SMC3: variants seen among roughly 807,000 people sequenced by gnomAD.
The protein encoded by SMC3 is structural maintenance of chromosomes 3.
Under a neutral mutation model 171.8 loss-of-function variants are expected in SMC3, and 20 were observed. The observed-to-expected ratio is 0.12, with a 90% CI of 0.08 to 0.17. SMC3 has a LOEUF of 0.17. SMC3 is among the 10% of genes least tolerant of loss of function. The probability of loss-of-function intolerance (pLI) is 1.00; values close to 1 mark genes in which losing one functional copy is unlikely to be tolerated. For synonymous variants in SMC3, 464 were observed against 451.1 expected, an observed-to-expected ratio of 1.03 and a Z score of -0.36; for missense variants, 543 against 1,420.4, an observed-to-expected ratio of 0.38 and a Z score of 9.93.
At chr10:110,569,527 A>G (rs965206141) in intron 2 of SMC3, among the ~76,000 whole-genome samples, 1 of 152,104 alleles carries the variant, frequency 6.6e-6, no homozygotes, top group Non-Finnish European at 1.5e-5. Flanking sequence ...AGAAATACCT[A>G]ATGTAAATGT....
intron 20 of SMC3, 57 bp from the exon 21 acceptor site, chr10:110,599,597 T>C: frequency 6.7e-7 from 1 of 1,487,724 alleles, no homozygotes; most frequent in African/African-American, 1.4e-5. Context: ...TTTAAAATTT[T>C]CACTATAAGT....
intron 6 of SMC3, 51 bp from the exon 7 acceptor site, chr10:110,578,577 A>G: frequency 2.2e-6 from 3 of 1,368,912 alleles, no homozygotes; most frequent in African/African-American, 1.4e-5. Flanking sequence ...TCATTGCTTA[A>G]TGGTGCTTTA....
Position 110,596,406 on chromosome 10 carries a change from G to C in SMC3, c.1972G>C (p.Val658Leu). 2 of 1,613,834 alleles carry C rather than the reference G, an allele frequency of 1.2e-6. No individual in the cohort carries two copies. Among genetic ancestry groups the C allele is most frequent in the Non-Finnish European group, 1.7e-6 (2 of 1,179,928 alleles). Residue 658 changes from valine to leucine, a missense_variant, in exon 19 of 29, where the codon GTC becomes CTC. Val to Leu is a conservative substitution (Grantham distance 32, BLOSUM62 1). Around this residue, in one of 8 missense-constraint regions of SMC3, gnomAD observed 218 missense variants for 509.6 expected, o/e 0.43. Transcript: ENST00000361804. ...ATATGTTTTGTTTATAGGTGACCAA[G>C]TCAGCCATCGGGGTGCTCTAACTGG... ...MDCITLEGDQ[V>L]SHRGALTGGY...
At chr10:110,568,159 G>A (rs886497723) in intron 1 of SMC3, among the ~76,000 whole-genome samples, 2 of 152,142 alleles carry the variant, frequency 1.3e-5, no homozygotes, top group African/African-American at 4.8e-5. Context: ...CTGGCGGGGG[G>A]CACCCCGCCG....
At chr10:110,595,504 T>TC (rs1301529483) in intron 18 of SMC3, among the ~76,000 whole-genome samples, 2 of 152,220 alleles carry the variant, frequency 1.3e-5, no homozygotes, top group African/African-American at 2.4e-5. Flanking sequence ...TGTAAAGGTA[T>TC]CCCTTTGCCC....
chr10:110,602,733 A>G (rs1861405916), intron 26 of SMC3, 68 bp downstream of exon 26: 15 of 1,570,678 alleles, frequency 9.6e-6, no homozygotes, highest in Non-Finnish European at 1.2e-5. Context: ...ATCTTTTGCA[A>G]ATCTGATTGG....
At position 110,580,456 on chromosome 10, in the gene SMC3, A is replaced by G. The variant is rs138450771; in HGVS notation, c.430-448A>G. On this transcript the variant is annotated intron_variant, in intron 7 of 28. Coordinates refer to ENST00000361804, the MANE Select transcript of SMC3 (RefSeq NM_005445.4). ...CTTGTTAGCCCTATTCATAAAGGAG[A>G]GTTATGACCGTAACAGTTGTATTTG... is the stretch of plus-strand genomic sequence containing the variant. Among the ~76,000 whole-genome samples, 74 of 152,320 alleles carry G rather than the reference A, an allele frequency of 4.9e-4. 1 individual carries two copies. Among genetic ancestry groups the G allele is most frequent in the Admixed American group, 2.6e-3 (40 of 15,296 alleles).
Position 110,601,720 on chromosome 10 carries a change from G to T in SMC3, c.2728G>T (p.Glu910Ter). The T allele has an allele frequency of 6.2e-7, 1 of 1,613,444 alleles. No homozygotes were observed. The highest frequency in any genetic ancestry group is 1.1e-5 in the South Asian group (1 of 91,054). Residue 910 changes from glutamate (E) to a stop codon, truncating the protein, a stop_gained, in exon 24 of 29, where the codon GAA (glutamate) becomes TAA (stop). Coordinates refer to ENST00000361804, the MANE Select transcript of SMC3 (RefSeq NM_005445.4). LOFTEE classifies it high-confidence loss of function. ...SMERWKNMEK[E>*]HMDAINHDTK... ...GGAGCGCTGGAAAAATATGGAAAAA[G>T]AACATATGGATGCTATAAATCATGA...
chr10:110,601,015 G>A lies in SMC3; in HGVS notation c.2536-7G>A. The A allele has an allele frequency of 6.2e-7, 1 of 1,604,326 alleles. No homozygotes were observed. Among genetic ancestry groups the A allele is most frequent in the Non-Finnish European group, 8.5e-7 (1 of 1,171,624 alleles). On this transcript the variant is annotated splice_polypyrimidine_tract_variant and splice_region_variant and intron_variant, in intron 22 of 28. Coordinates refer to ENST00000361804, the MANE Select transcript of SMC3 (RefSeq NM_005445.4). ...GAAACTAATGGAATTTGTATTTTTT[G>A]TTACAGGAACTTAATGAGCTGAGAG...
At chr10:110,601,225 A>G (rs1363563298) in intron 23 of SMC3, 95 bp downstream of exon 23, 3 of 919,486 alleles carry the variant, frequency 3.3e-6, no homozygotes, top group East Asian at 2.4e-5. Flanking sequence ...AGCATATGCT[A>G]ATGATTTTTT....
At chr10:110,603,067 A>G in intron 27 of SMC3, 65 bp downstream of exon 27, 2 of 1,577,058 alleles carry the variant, frequency 1.3e-6, no homozygotes, top group Non-Finnish European at 1.7e-6. Flanking sequence ...GCTGATGTAT[A>G]TATGAAAAAA....
chr10:110,579,234 C>G (rs1438587451), intron 7 of SMC3, among the ~76,000 whole-genome samples: 1 of 151,972 alleles, frequency 6.6e-6, no homozygotes, highest in African/African-American at 2.4e-5. Context: ...AGGGAAAATT[C>G]TCAAAGAATA....
chr10:110,581,508 C>T lies in SMC3; in HGVS notation c.548-415C>T, dbSNP rs187661748. ...TGCTGGGATTACTCATGAGCCACTG[C>T]GCCTGGCCGGCACACTGACTTTTTA... On this transcript the variant is annotated intron_variant, in intron 8 of 28. Transcript: ENST00000361804. Among the ~76,000 whole-genome samples, 414 of 152,130 alleles carry T rather than the reference C, an allele frequency of 2.7e-3. 3 individuals carry two copies. The highest frequency in any genetic ancestry group is 0.017 in the Middle Eastern group (5 of 294).
intron 17 of SMC3, among the ~76,000 whole-genome samples, chr10:110,592,813 A>AATTTGGGC (rs1861229204): frequency 6.6e-6 from 1 of 152,286 alleles, no homozygotes; most frequent in Admixed American, 6.5e-5. Context: ...CGAGTGTTTG[A>AATTTGGGC]ATTTGGGCAG....
intron 17 of SMC3, among the ~76,000 whole-genome samples, chr10:110,592,630 A>G (rs946196800): frequency 5.3e-5 from 8 of 152,202 alleles, no homozygotes; most frequent in African/African-American, 1.9e-4. Flanking sequence ...TACTATTTAT[A>G]TTTAGCCCTT....
At chr10:110,582,759 C>G in intron 10 of SMC3, 117 bp downstream of exon 10, 1 of 777,558 alleles carries the variant, frequency 1.3e-6, no homozygotes, top group East Asian at 2.7e-5. Flanking sequence ...GCCTTGACTT[C>G]CTGGGCTCAG....
intron 19 of SMC3, among the ~76,000 whole-genome samples, chr10:110,597,105 C>T (rs1178343337): frequency 6.7e-6 from 1 of 148,828 alleles, no homozygotes; most frequent in African/African-American, 2.5e-5. Context: ...GATCACACCA[C>T]TGCACTCCAG....
At chr10:110,596,332 G>GT in intron 18 of SMC3, 66 bp from the exon 19 acceptor site, 1 of 1,400,508 alleles carries the variant, frequency 7.1e-7, no homozygotes, top group Non-Finnish European at 9.7e-7. Flanking sequence ...TAGTTTTTTT[G>GT]TTATAAGTCA....
chr10:110,575,175 T>G (rs562059865), intron 3 of SMC3, among the ~76,000 whole-genome samples, 161 bp from the exon 4 acceptor site: 3 of 152,226 alleles, frequency 2.0e-5, no homozygotes, highest in Non-Finnish European at 4.4e-5. Flanking sequence ...TAGTCTGATG[T>G]GCAGGCACAT....
Sources: allele counts gnomAD v4.1 joint callset (sites outside exome capture counted in the v4.1 genomes callset), GRCh38; gene constraint gnomAD v4.1.1; regional missense constraint gnomAD v4.1.1; transcripts MANE v1.5; gene names NCBI Gene and HGNC (gene_info 2026-07-23, HGNC 2026-07-21).